Variants in SGIP1 observed in about 807,000 individuals in gnomAD.
The protein encoded by SGIP1 is SH3-containing GRB2-like protein 3-interacting protein 1.
Under a neutral mutation model 107.5 loss-of-function variants are expected in SGIP1, and 38 were observed. That is an observed-to-expected ratio of 0.35 (90% CI 0.27 to 0.46). The LOEUF (loss-of-function observed/expected upper bound fraction) is 0.46, where lower values mean the gene tolerates loss of function less well. Ranked by LOEUF, SGIP1 falls within the 20% of genes least tolerant of loss-of-function variation. The pLI is 1.00. For synonymous variants in SGIP1, 365 were observed against 366.1 expected (o/e 1.00, Z 0.03); for missense variants, 929 against 1,019.5 (o/e 0.91, Z 1.21).
intron 1 of SGIP1, among the ~76,000 whole-genome samples, chr1:66,564,322 A>G (rs1314459413): frequency 3.3e-5 from 5 of 151,842 alleles, no homozygotes; most frequent in Non-Finnish European, 7.4e-5. Context: ...ATAATTCACT[A>G]ACATGGTAAA....
intron 16 of SGIP1, 41 bp from the exon 17 acceptor site, chr1:66,690,149 C>A (rs1329976942): frequency 6.2e-7 from 1 of 1,607,132 alleles, no homozygotes; most frequent in Non-Finnish European, 8.5e-7. Context: ...AATACTGCAA[C>A]CTGTGTATCT....
rs1320237507 is a variant in SGIP1, at chr1:66,733,865, C to A, written c.2016C>A (p.Asp672Glu). The A allele has an allele frequency of 6.2e-7, 1 of 1,612,990 alleles. No homozygotes were observed. The highest frequency in any genetic ancestry group is 1.7e-5 in the Admixed American group (1 of 59,938). ...CCCAGGCTACATATTATAACGTTGA[C>A]ATGCTCAAATATCAGGTAAGCCTAT... ...QKPQATYYNV[D>E]MLKYQVSAQG... The change falls in exon 21 of 25, where the codon GAC becomes GAA. Residue 672 changes from aspartate (D) to glutamate (E), a missense_variant. This residue lies in a region of SGIP1 where 341 missense variants were observed against 430.9 expected (regional missense o/e 0.79). Coordinates refer to ENST00000371037, the MANE Select transcript of SGIP1 (RefSeq NM_032291.4).
intron 5 of SGIP1, 111 bp downstream of exon 5, chr1:66,639,944 A>C (rs2076465744): frequency 1.2e-6 from 1 of 828,180 alleles, no homozygotes; most frequent in Admixed American, 2.5e-5. Context: ...CCATGTCATT[A>C]GGAAGTGTCT....
intron 7 of SGIP1, among the ~76,000 whole-genome samples, chr1:66,658,887 G>C (rs2080310846): frequency 6.6e-6 from 1 of 152,180 alleles, no homozygotes; most frequent in Non-Finnish European, 1.5e-5. Context: ...AGGTCTCATG[G>C]AAGAAATGTT....
chr1:66,724,038 A>G (rs1023746218), intron 19 of SGIP1, among the ~76,000 whole-genome samples: 7 of 152,208 alleles, frequency 4.6e-5, no homozygotes, highest in African/African-American at 1.7e-4. Flanking sequence ...AATTGTAAAG[A>G]AAAGAAGAGA....
At chr1:66,594,877 G>T (rs1167700671) in intron 1 of SGIP1, among the ~76,000 whole-genome samples, 1 of 152,106 alleles carries the variant, frequency 6.6e-6, no homozygotes, top group Non-Finnish European at 1.5e-5. Context: ...TTACCACTCT[G>T]CTTGTCACTT....
chr1:66,639,318 A>C (rs961458046), intron 4 of SGIP1, among the ~76,000 whole-genome samples: 25 of 152,228 alleles, frequency 1.6e-4, no homozygotes, highest in African/African-American at 6.0e-4. Context: ...TGAGTGCTAA[A>C]ATGCTAAAAG....
At chr1:66,594,369 C>T (rs571382284) in intron 1 of SGIP1, among the ~76,000 whole-genome samples, 7 of 152,296 alleles carry the variant, frequency 4.6e-5, no homozygotes, top group African/African-American at 1.7e-4. Flanking sequence ...CTTTCTTACC[C>T]TGTAAATATA....
chr1:66,570,953 C>T (rs11208908), intron 1 of SGIP1, among the ~76,000 whole-genome samples: 77,486 of 151,690 alleles, frequency 0.51, 20,761 homozygotes, highest in South Asian at 0.78. Flanking sequence ...AGTCCACATC[C>T]CATACAGCAT....
At chr1:66,640,850 A>G (rs150807255) in intron 5 of SGIP1, among the ~76,000 whole-genome samples, 1 of 152,098 alleles carries the variant, frequency 6.6e-6, no homozygotes, top group African/African-American at 2.4e-5. Flanking sequence ...TGCTCAAAAA[A>G]ATGGTGAGTT....
At position 66,744,476 on chromosome 1, in the gene SGIP1, T is replaced by C. The variant is rs2094526920; in HGVS notation, c.*1381T>C. The stretch of plus-strand genomic sequence containing the variant: ...CTGAAAATGTTAGTCTTCCTTTAAG[T>C]CATAGAACTTATTTAAACATAAACC... On this transcript the variant is annotated 3_prime_UTR_variant, in exon 25 of 25. Coordinates refer to ENST00000371037, the MANE Select transcript of SGIP1 (RefSeq NM_032291.4). 6.6e-6 allele frequency: 1 copy of C among 152,136 alleles called. No individual in the cohort carries two copies. Among genetic ancestry groups the C allele is most frequent in the Non-Finnish European group, 1.5e-5 (1 of 67,952 alleles). 9.4% of individuals were successfully genotyped at this position (152,136 alleles called of 1,614,324 possible).
At chr1:66,599,634 G>C (rs555408590) in intron 1 of SGIP1, among the ~76,000 whole-genome samples, 1 of 152,182 alleles carries the variant, frequency 6.6e-6, no homozygotes, top group Non-Finnish European at 1.5e-5. Flanking sequence ...AACTACGGGT[G>C]TATTTATGCT....
intron 20 of SGIP1, among the ~76,000 whole-genome samples, chr1:66,730,161 GAC>G (rs905401932): frequency 6.6e-6 from 1 of 151,980 alleles, no homozygotes; most frequent in African/African-American, 2.4e-5. Flanking sequence ...GCATAATAAA[GAC>G]ATCAAATTCA....
At chr1:66,569,444 G>C (rs764797060) in intron 1 of SGIP1, among the ~76,000 whole-genome samples, 1 of 151,742 alleles carries the variant, frequency 6.6e-6, no homozygotes, top group African/African-American at 2.4e-5. Context: ...AATCAGAAAT[G>C]GGTGTTGGAT....
At chr1:66,608,257 A>G (rs1177372478) in intron 1 of SGIP1, among the ~76,000 whole-genome samples, 1 of 152,238 alleles carries the variant, frequency 6.6e-6, no homozygotes, top group Admixed American at 6.5e-5. Flanking sequence ...CATGGCAGGC[A>G]TTTAATAAAT....
rs2076417903 is a variant in SGIP1, at chr1:66,639,665, A to G, written c.172-112A>G. On this transcript the variant is annotated intron_variant, in intron 4 of 24. Transcript: ENST00000371037. The stretch of plus-strand genomic sequence containing the variant: ...ATAAACTGCTCTAATATGTCTTTCC[A>G]GTGCTGGATTTTGATAGCTTTTGCT... 8.4e-6 allele frequency: 7 copies of G among 832,764 alleles called. No individual in the cohort carries two copies. The Admixed American group carries it at 9.1e-5, about 11-fold the overall frequency. 51.6% of individuals were successfully genotyped at this position (832,764 alleles called of 1,614,324 possible).
At chr1:66,562,755 T>C (rs979927277) in intron 1 of SGIP1, among the ~76,000 whole-genome samples, 1 of 152,072 alleles carries the variant, frequency 6.6e-6, no homozygotes, top group Non-Finnish European at 1.5e-5. Flanking sequence ...CAAAAGGAAG[T>C]TGGAAAATTT....
At chr1:66,557,854 T>TA (rs1410906413) in intron 1 of SGIP1, among the ~76,000 whole-genome samples, 3 of 152,128 alleles carry the variant, frequency 2.0e-5, no homozygotes, top group Non-Finnish European at 4.4e-5. Context: ...AGAAGACACT[T>TA]ACACTTTGTG....
chr1:66,728,936 G>A (rs1275540785), intron 19 of SGIP1, among the ~76,000 whole-genome samples: 1 of 151,730 alleles, frequency 6.6e-6, no homozygotes, highest in Non-Finnish European at 1.5e-5. Flanking sequence ...AGGAACAAAA[G>A]AAACTAGGGC....
Sources: allele counts gnomAD v4.1 joint callset (sites outside exome capture counted in the v4.1 genomes callset), GRCh38; gene constraint gnomAD v4.1.1; regional missense constraint gnomAD v4.1.1; transcripts MANE v1.5; gene names NCBI Gene and HGNC (gene_info 2026-07-23, HGNC 2026-07-21).